SLC6A15: variants seen among roughly 807,000 people sequenced by gnomAD.
SLC6A15 encodes the protein sodium-dependent neutral amino acid transporter B(0)AT2.
A neutral mutation model predicts 68.5 loss-of-function variants in SLC6A15; 33 were observed. The observed-to-expected ratio is 0.48, with a 90% CI of 0.37 to 0.64. The LOEUF (loss-of-function observed/expected upper bound fraction) is 0.64. SLC6A15 is among the 30% of genes least tolerant of loss of function. The pLI, the probability that SLC6A15 is intolerant of heterozygous loss-of-function variation, is 0.00. For missense variants in SLC6A15, 747 were observed against 874.3 expected, an observed-to-expected ratio of 0.85 and a Z score of 1.84; for synonymous variants, 347 against 301.0, an observed-to-expected ratio of 1.15 and a Z score of -1.58.
intron 1 of SLC6A15, among the ~76,000 whole-genome samples, chr12:84,907,674 C>T (rs1331815698): frequency 6.6e-6 from 1 of 152,086 alleles, no homozygotes; most frequent in African/African-American, 2.4e-5. Flanking sequence ...ACACTGCTAC[C>T]ACATAACCGA....
intron 5 of SLC6A15, chr12:84,882,154 A>G (rs1473398501): frequency 3.0e-6 from 3 of 985,420 alleles, no homozygotes; most frequent in African/African-American, 1.7e-5. Flanking sequence ...TGGTAGTAAG[A>G]GAACCTGAGT....
At chr12:84,888,245 C>CA (rs1872211908) in intron 2 of SLC6A15, among the ~76,000 whole-genome samples, 1 of 101,878 alleles carries the variant, frequency 9.8e-6, no homozygotes, top group South Asian at 2.8e-4. Flanking sequence ...GTCTCGGTGA[C>CA]AGAGTGAGAC....
chr12:84,884,493 ATGT>A (rs1871988014), intron 4 of SLC6A15, among the ~76,000 whole-genome samples: 1 of 151,914 alleles, frequency 6.6e-6, no homozygotes. Context: ...TTTAGTAGAG[ATGT>A]TGTTTCACCA....
chr12:84,861,949 C>T lies in SLC6A15; in HGVS notation c.1876G>A (p.Val626Ile), dbSNP rs1362292528. ...TWGLVVCVSL[V>I]VFAILPVPVV... Reference sequence around the variant, plus strand: ...GGGACTGGGAGTATTGCAAAGACAACCAGAGAGACACAAACAACCAGTCCC... The same window carrying T: ...GGGACTGGGAGTATTGCAAAGACAATCAGAGAGACACAAACAACCAGTCCC... The change falls in exon 12 of 12, where the codon GTT becomes ATT. Residue 626 changes from valine to isoleucine, a missense_variant. Coordinates refer to ENST00000266682, the MANE Select transcript of SLC6A15 (RefSeq NM_182767.6). 1.2e-6 allele frequency: 2 copies of T among 1,613,298 alleles called. No individual in the cohort carries two copies. The highest frequency in any genetic ancestry group is 8.5e-7 in the Non-Finnish European group (1 of 1,179,722).
intron 1 of SLC6A15, among the ~76,000 whole-genome samples, chr12:84,904,529 A>G (rs1339836162): frequency 6.6e-6 from 1 of 152,252 alleles, no homozygotes; most frequent in Non-Finnish European, 1.5e-5. Flanking sequence ...TACAAACTGT[A>G]CTGAAATTTA....
Position 84,876,508 on chromosome 12 carries a change from A to T in SLC6A15, c.856T>A (p.Phe286Ile). ...AATATGGTACATACCTTAGGGGTAA[A>T]CATGTGGCGAATGCCATCAATTGAA... ...NGSIDGIRHM[F>I]TPKLEIMLEP... Residue 286 changes from phenylalanine (F) to isoleucine (I), a missense_variant, in exon 6 of 12, where the codon TTT (phenylalanine) becomes ATT (isoleucine). Transcript: ENST00000266682. 21 of 1,570,852 alleles carry T rather than the reference A, an allele frequency of 1.3e-5. No homozygotes were observed. The highest frequency in any genetic ancestry group is 1.8e-5 in the Non-Finnish European group (21 of 1,150,084).
chr12:84,899,204 G>A (rs904062898), intron 1 of SLC6A15, among the ~76,000 whole-genome samples: 1 of 152,180 alleles, frequency 6.6e-6, no homozygotes, highest in African/African-American at 2.4e-5. Context: ...ATTGGCTAAT[G>A]CCTCATTGAC....
intron 9 of SLC6A15, among the ~76,000 whole-genome samples, chr12:84,869,390 A>T (rs1871193415): frequency 7.3e-6 from 1 of 137,108 alleles, no homozygotes. Flanking sequence ...TGAACCCGGG[A>T]GGCGGAGCTT....
At chr12:84,878,220 T>C (rs1871647884) in intron 5 of SLC6A15, among the ~76,000 whole-genome samples, 1 of 152,214 alleles carries the variant, frequency 6.6e-6, no homozygotes, top group Admixed American at 6.5e-5. Context: ...ATATTTTAAC[T>C]TAATTGGTTG....
chr12:84,883,294 T>A (rs1035696729), intron 5 of SLC6A15: 4 of 985,592 alleles, frequency 4.1e-6, no homozygotes, highest in Admixed American at 6.1e-5. Context: ...AATTTTCAAT[T>A]TGCCTTAGAA....
chr12:84,877,754 C>A (rs12320882), intron 5 of SLC6A15, among the ~76,000 whole-genome samples: 9,890 of 152,188 alleles, frequency 0.065, 1,033 homozygotes, highest in African/African-American at 0.22. Flanking sequence ...CCCCTGCCAA[C>A]CCTCAGTGAT....
At chr12:84,874,732 C>T (rs1489677240) in intron 6 of SLC6A15, among the ~76,000 whole-genome samples, 1 of 152,172 alleles carries the variant, frequency 6.6e-6, no homozygotes, top group Non-Finnish European at 1.5e-5. Flanking sequence ...TCTATCTCTG[C>T]TTTAGCCACT....
At chr12:84,902,640 G>A (rs978011724) in intron 1 of SLC6A15, among the ~76,000 whole-genome samples, 1 of 151,742 alleles carries the variant, frequency 6.6e-6, no homozygotes, top group Non-Finnish European at 1.5e-5. Context: ...TGCTACATTC[G>A]CACCATGAAC....
intron 1 of SLC6A15, among the ~76,000 whole-genome samples, chr12:84,903,331 A>G (rs1476622520): frequency 1.3e-5 from 2 of 152,166 alleles, no homozygotes; most frequent in African/African-American, 4.8e-5. Flanking sequence ...TGGCACATGT[A>G]TACATATGTA....
In SLC6A15 at chr12:84,882,112, G is replaced by A. The variant is rs1871847471; in HGVS notation, c.756+1747C>T. ...TGAATAGTTCTTTAAGTGATGCTAA[G>A]ACACAGACTAAGAAGAAACAGAAAC... On this transcript the variant is annotated intron_variant, in intron 5 of 11. Coordinates refer to ENST00000266682, the MANE Select transcript of SLC6A15 (RefSeq NM_182767.6). The A allele has an allele frequency of 9.1e-6, 9 of 985,242 alleles. No homozygotes were observed. In the South Asian group the frequency reaches 3.8e-4, roughly 41 times the overall value. 61.0% of individuals were successfully genotyped at this position (985,242 alleles called of 1,614,324 possible). A position where few individuals can be genotyped will look rare whatever the true frequency, so the allele number is the denominator to read the frequency against.
At position 84,870,668 on chromosome 12, in the gene SLC6A15, A is replaced by G. The variant is rs769030503; in HGVS notation, c.1305T>C (p.Ala435=). The change falls in exon 9 of 12, where the codon GCT becomes GCC. Residue 435 remains alanine (A), a splice_region_variant and synonymous_variant. Transcript: ENST00000266682. ...SCKIEEELNK[A]VQGTGLAFIA... is the part of the protein sequence containing the mutation. ...TAAAAGCTAAGCCGGTCCCCTGAACAGCCTGCAAAATACACAAAATAGCAA... is the reference window on the plus strand; with the variant it reads ...TAAAAGCTAAGCCGGTCCCCTGAACGGCCTGCAAAATACACAAAATAGCAA... The G allele has an allele frequency of 1.2e-6, 2 of 1,605,658 alleles. No homozygotes were observed. Among genetic ancestry groups the G allele is most frequent in the Admixed American group, 3.4e-5 (2 of 58,926 alleles).
rs773511911 is a variant in SLC6A15 at position 84,861,813 on chromosome 12, C to T, written c.2012G>A (p.Gly671Asp). Residue 671 changes from glycine (G) to aspartate (D), a missense_variant, in exon 12 of 12, where the codon GGC (glycine) becomes GAC (aspartate). Coordinates refer to ENST00000266682, the MANE Select transcript of SLC6A15 (RefSeq NM_182767.6). ...TCCGTGAATGAGGCTTGTATCATCG[C>T]CCTCTAAGTTCACAGGCTCTTTCAG... is the stretch of plus-strand genomic sequence containing the variant. ...RVLKEPVNLE[G>D]DDTSLIHGKI... The T allele has an allele frequency of 1.1e-5, 18 of 1,613,798 alleles. No individual in the cohort carries two copies. In the Admixed American group the frequency reaches 2.0e-4, roughly 18 times the overall value.
chr12:84,899,057 C>T (rs2120707845), intron 1 of SLC6A15, among the ~76,000 whole-genome samples: 1 of 152,294 alleles, frequency 6.6e-6, no homozygotes, highest in Middle Eastern at 3.4e-3. Flanking sequence ...AGCTGGAGCA[C>T]TTTGGTTTGC....
rs1870852593 is a variant in SLC6A15 at position 84,861,660 on chromosome 12, A to G, written c.2165T>C (p.Met722Thr). ...CAAATCAGATTCTGGCATATCTGGCATAATATCTGCCATCAAGTACCCTAT... is the reference window on the plus strand; with the variant it reads ...CAAATCAGATTCTGGCATATCTGGCGTAATATCTGCCATCAAGTACCCTAT... ...YGIGYLMADI[M>T]PDMPESDL The change falls in exon 12 of 12, where the codon ATG becomes ACG. Residue 722 changes from methionine to threonine, a missense_variant. Transcript: ENST00000266682. 6.2e-7 allele frequency: 1 copy of G among 1,604,416 alleles called. No individual in the cohort carries two copies. Among genetic ancestry groups the G allele is most frequent in the Non-Finnish European group, 8.5e-7 (1 of 1,172,932 alleles).
Sources: allele counts gnomAD v4.1 joint callset (sites outside exome capture counted in the v4.1 genomes callset), GRCh38; gene constraint gnomAD v4.1.1; transcripts MANE v1.5; gene names NCBI Gene and HGNC (gene_info 2026-07-23, HGNC 2026-07-21).